ANOS1: variants seen among roughly 807,000 people sequenced by gnomAD.
The protein encoded by ANOS1 is anosmin 1.
Under a neutral mutation model 59.0 loss-of-function variants are expected in ANOS1, and 6 were observed. The observed-to-expected ratio is 0.10, with a 90% CI of 0.06 to 0.20. ANOS1 has a LOEUF of 0.20. Ranked by LOEUF, ANOS1 falls within the 10% of genes least tolerant of loss-of-function variation. The pLI is 1.00. For missense variants in ANOS1, 433 were observed against 542.3 expected (o/e 0.80, Z 2.00); for synonymous variants, 217 against 223.4 (o/e 0.97, Z 0.25).
At chrX:8,583,880 G>A (rs930380633) in intron 6 of ANOS1, among the ~76,000 whole-genome samples, 17 of 111,587 alleles carry the variant, frequency 1.5e-4, no homozygotes, top group Non-Finnish European at 2.6e-4. Flanking sequence ...GGACAGCTTG[G>A]CCTTCCTACT....
At chrX:8,578,829 G>A (rs1930374648) in intron 6 of ANOS1, among the ~76,000 whole-genome samples, 1 of 111,948 alleles carries the variant, frequency 8.9e-6, no homozygotes, top group South Asian at 3.7e-4. Context: ...AAACATGCTT[G>A]CCCGCTTTTG....
chrX:8,563,050 T>C (rs1372230836), intron 8 of ANOS1, among the ~76,000 whole-genome samples: 1 of 112,235 alleles, frequency 8.9e-6, no homozygotes, highest in Non-Finnish European at 1.9e-5. Context: ...AGATTATATA[T>C]CAACACTGGG....
intron 6 of ANOS1, among the ~76,000 whole-genome samples, chrX:8,583,581 T>TA (rs1282780562): frequency 8.9e-6 from 1 of 111,790 alleles, no homozygotes; most frequent in African/African-American, 3.3e-5. Context: ...GCTGATATGT[T>TA]AAACTCCCGT....
intron 8 of ANOS1, among the ~76,000 whole-genome samples, chrX:8,555,334 G>C (rs974347058): frequency 9.0e-6 from 1 of 110,609 alleles, no homozygotes; most frequent in Non-Finnish European, 1.9e-5. Flanking sequence ...AGAAGCAAGA[G>C]CAAACAAATT....
chrX:8,580,593 A>C (rs1377579276), intron 6 of ANOS1, among the ~76,000 whole-genome samples: 1 of 111,929 alleles, frequency 8.9e-6, no homozygotes, highest in African/African-American at 3.2e-5. Flanking sequence ...AATAGTAGTC[A>C]ATCCATTTTG....
chrX:8,553,269 C>T (rs989255631), intron 9 of ANOS1, among the ~76,000 whole-genome samples: 4 of 109,983 alleles, frequency 3.6e-5, no homozygotes, highest in Admixed American at 9.7e-5. Flanking sequence ...TGAAATGAAT[C>T]TATCCTAAGG....
chrX:8,635,226 C>T (rs1931553022), intron 2 of ANOS1, among the ~76,000 whole-genome samples: 1 of 111,117 alleles, frequency 9.0e-6, no homozygotes, highest in Non-Finnish European at 1.9e-5. Flanking sequence ...TAGATAAGTC[C>T]TTCTTACAAC....
chrX:8,681,998 G>C (rs1932432133), intron 2 of ANOS1, among the ~76,000 whole-genome samples: 1 of 111,361 alleles, frequency 9.0e-6, no homozygotes, highest in Admixed American at 9.6e-5. Context: ...CAGAATTTAA[G>C]ATTTCTGATT....
At chrX:8,713,037 G>A (rs1434547514) in intron 1 of ANOS1, among the ~76,000 whole-genome samples, 1 of 110,820 alleles carries the variant, frequency 9.0e-6, no homozygotes, top group Non-Finnish European at 1.9e-5. Context: ...AATTGACAAT[G>A]GCCTCTTCAT....
At chrX:8,542,823 C>T (rs1929710040) in intron 9 of ANOS1, among the ~76,000 whole-genome samples, 1 of 106,918 alleles carries the variant, frequency 9.4e-6, no homozygotes, top group African/African-American at 3.4e-5. Context: ...GTATTCGTTT[C>T]CACCCAAATA....
At chrX:8,700,657 T>G (rs772740182) in intron 1 of ANOS1, among the ~76,000 whole-genome samples, 1 of 112,251 alleles carries the variant, frequency 8.9e-6, no homozygotes, top group South Asian at 3.7e-4. Flanking sequence ...AACAGCAATA[T>G]CTCATGCATC....
At chrX:8,628,530 G>A (rs1931433518) in intron 2 of ANOS1, among the ~76,000 whole-genome samples, 1 of 111,571 alleles carries the variant, frequency 9.0e-6, no homozygotes, top group Non-Finnish European at 1.9e-5. Context: ...GGTTTACCTT[G>A]TGACAACCCC....
intron 3 of ANOS1, among the ~76,000 whole-genome samples, chrX:8,608,079 A>G (rs553760108): frequency 2.7e-5 from 3 of 112,003 alleles, no homozygotes; most frequent in African/African-American, 6.5e-5. Context: ...TGACAAATAC[A>G]CAAGCAAGAT....
intron 1 of ANOS1, among the ~76,000 whole-genome samples, chrX:8,705,572 G>A (rs145210857): frequency 2.6e-3 from 291 of 111,298 alleles, no homozygotes; most frequent in African/African-American, 8.8e-3. Context: ...ATTAATGCTG[G>A]CCACTTTGTT....
At chrX:8,728,188 C>T (rs1932936449) in intron 1 of ANOS1, among the ~76,000 whole-genome samples, 2 of 112,004 alleles carry the variant, frequency 1.8e-5, no homozygotes, top group East Asian at 2.8e-4. Flanking sequence ...ACTATTAACC[C>T]GGCTAAATCG....
rs140374019 is a variant in ANOS1, at chrX:8,645,810, C to A, written c.256-22140G>T. On this transcript the variant is annotated intron_variant, in intron 2 of 13. Coordinates refer to ENST00000262648, the MANE Select transcript of ANOS1 (RefSeq NM_000216.4). ...ATTGTCAAACTAAGGCGCCTGCCAC[C>A]GCGCCCAGCTAATTTTTTTGTGTTT... is the stretch of plus-strand genomic sequence containing the variant. Among the ~76,000 whole-genome samples the A allele has an allele frequency of 3.2e-3, 362 of 111,839 alleles. 2 individuals are homozygous for A. Among genetic ancestry groups the A allele is most frequent in the African/African-American group, 0.011 (348 of 30,741 alleles).
intron 1 of ANOS1, among the ~76,000 whole-genome samples, chrX:8,725,607 CAGATATAT>C (rs1569092172): frequency 0.064 from 2,941 of 45,611 alleles, 370 homozygotes; most frequent in African/African-American, 0.15. Flanking sequence ...TATATATATA[CAGATATAT>C]ATATATACAG....
chrX:8,619,725 G>A (rs1044268188), intron 3 of ANOS1, among the ~76,000 whole-genome samples: 4 of 112,282 alleles, frequency 3.6e-5, no homozygotes, highest in Non-Finnish European at 5.6e-5. Flanking sequence ...GAGAGATCAC[G>A]ATATGAGAAT....
At chrX:8,699,661 G>GT in intron 2 of ANOS1, 37 bp downstream of exon 2, 1 of 1,115,042 alleles carries the variant, frequency 9.0e-7, no homozygotes, top group Non-Finnish European at 1.2e-6. Flanking sequence ...AAAATTAAAA[G>GT]TTTTTTGCAC....
Sources: allele counts gnomAD v4.1 joint callset (sites outside exome capture counted in the v4.1 genomes callset), GRCh38; gene constraint gnomAD v4.1.1; transcripts MANE v1.5; gene names NCBI Gene and HGNC (gene_info 2026-07-23, HGNC 2026-07-21).